Variants in PZP observed in about 807,000 individuals in gnomAD.
PZP encodes PZP alpha-2-macroglobulin like, also known as pregnancy zone protein.
A neutral mutation model predicts 179.8 loss-of-function variants in PZP; 150 were observed. The observed-to-expected ratio is 0.83, with a 90% CI of 0.73 to 0.96. PZP has a LOEUF of 0.96. PZP is among the 40% of genes least tolerant of loss of function. PZP has a pLI of 0.00. For synonymous variants in PZP, 624 were observed against 652.3 expected (o/e 0.96, Z 0.66); for missense variants, 1,689 against 1,764.0 (o/e 0.96, Z 0.76).
chr12:9,160,038 G>T lies in PZP; in HGVS notation c.3050-13C>A, dbSNP rs762762028. On this transcript the variant is annotated splice_polypyrimidine_tract_variant and intron_variant, in intron 24 of 35. Transcript: ENST00000261336. ...TGTCTCTGGTAACCTGAAATGGAAG[G>T]CTTCAGATTGTTCATGAAGCATTAA... The T allele has an allele frequency of 1.2e-6, 2 of 1,605,608 alleles. No individual in the cohort carries two copies. Among genetic ancestry groups the T allele is most frequent in the Non-Finnish European group, 8.5e-7 (1 of 1,172,518 alleles).
rs143563454 is a variant in PZP at position 9,203,786 on chromosome 12, G to T, written c.249C>A (p.Phe83Leu). The change falls in exon 2 of 36, where the codon TTC becomes TTA. Residue 83 changes from phenylalanine to leucine, a missense_variant. By Grantham distance (22) the Phe-to-Leu change is conservative. This residue lies in a region of PZP where 742 missense variants were observed against 730.5 expected (regional missense o/e 1.02). Coordinates refer to ENST00000261336, the MANE Select transcript of PZP (RefSeq NM_002864.3). ...CACTCACAGTGAAGGAGACACAGTG[G>T]AATAAGTCCTTCTCCGCCACCAGGT... ...FTDLVAEKDLFHCVSFTLPRI... is the reference protein window; with the variant it reads ...FTDLVAEKDLLHCVSFTLPRI... 5.5e-5 allele frequency: 88 copies of T among 1,614,084 alleles called. No homozygotes were observed. The African/African-American group carries it at 7.1e-4, about 13-fold the overall frequency.
At chr12:9,163,267 A>G (rs1941342042) in intron 21 of PZP, among the ~76,000 whole-genome samples, 1 of 146,898 alleles carries the variant, frequency 6.8e-6, no homozygotes. Flanking sequence ...CCTGGCTAAC[A>G]TGGTGAAACC....
At chr12:9,204,564 CTCAG>C (rs759758950) in intron 1 of PZP, among the ~76,000 whole-genome samples, 62 of 152,258 alleles carry the variant, frequency 4.1e-4, no homozygotes, top group Middle Eastern at 6.8e-3. Flanking sequence ...TCAGATACAG[CTCAG>C]TCAAAGTCAA....
intron 20 of PZP, 100 bp downstream of exon 20, chr12:9,164,033 T>C (rs1941406878): frequency 2.8e-6 from 4 of 1,432,718 alleles, no homozygotes; most frequent in Non-Finnish European, 3.8e-6. Context: ...CTTTATAGAA[T>C]TATATCTATG....
Position 9,162,635 on chromosome 12 carries a change from TC to T in PZP, c.2749del (p.Glu917SerfsTer9). On this transcript the variant is annotated frameshift_variant, in exon 22 of 36. Transcript: ENST00000261336. LOFTEE classifies it high-confidence loss of function. Reference protein sequence around the residue: ...KTLLVEAEGIEQEKTFSSMTC... With the variant: ...KTLLVEAEGIXQEKTFSSMTC... ...CATAGAACTGAAAGTCTTTTCTTGC[TC>T]AATACCTTCAGCCTTGGATGAAAGG... The T allele has an allele frequency of 6.3e-7, 1 of 1,593,694 alleles. No homozygotes were observed. Among genetic ancestry groups the T allele is most frequent in the Non-Finnish European group, 8.6e-7 (1 of 1,161,954 alleles).
At chr12:9,163,259 T>A (rs1033452761) in intron 21 of PZP, among the ~76,000 whole-genome samples, 3 of 146,286 alleles carry the variant, frequency 2.1e-5, no homozygotes, top group African/African-American at 5.1e-5. Flanking sequence ...GAGACCATCC[T>A]GGCTAACATG....
intron 34 of PZP, 111 bp from the exon 35 acceptor site, chr12:9,149,713 G>T (rs1304407622): frequency 3.2e-6 from 3 of 934,504 alleles, no homozygotes; most frequent in Non-Finnish European, 4.8e-6. Flanking sequence ...TATCAGAATT[G>T]TCAAAACTTC....
intron 21 of PZP, among the ~76,000 whole-genome samples, chr12:9,163,050 T>C (rs1313875108): frequency 6.6e-6 from 1 of 152,092 alleles, no homozygotes; most frequent in Non-Finnish European, 1.5e-5. Flanking sequence ...ATTGAATTAT[T>C]ACAAATCCAT....
In PZP at chr12:9,162,586, T is replaced by A; in HGVS notation, c.2788+11A>T. The A allele has an allele frequency of 6.4e-7, 1 of 1,562,036 alleles. No homozygotes were observed. The highest frequency in any genetic ancestry group is 8.8e-7 in the Non-Finnish European group (1 of 1,134,166). On this transcript the variant is annotated intron_variant, in intron 22 of 35. Transcript: ENST00000261336. Reference sequence around the variant, plus strand: ...TTTGATCTCACTATGATTATGAAGATGGACTCTTACCTGAGGCACAGGTCA... The same window carrying A: ...TTTGATCTCACTATGATTATGAAGAAGGACTCTTACCTGAGGCACAGGTCA...
rs776523623 is a variant in PZP at position 9,157,162 on chromosome 12, T to C, written c.3550+13A>G. The stretch of plus-strand genomic sequence containing the variant: ...GTTCTCATTGTTCAGCTCCCACTTA[T>C]AAGTGCTCTCACCTTCTTTCACAGC... On this transcript the variant is annotated intron_variant, in intron 28 of 35. Coordinates refer to ENST00000261336, the MANE Select transcript of PZP (RefSeq NM_002864.3). 23 of 1,609,428 alleles carry C rather than the reference T, an allele frequency of 1.4e-5. No homozygotes were observed. The South Asian group carries it at 2.4e-4, about 17-fold the overall frequency.
At chr12:9,142,329 CAA>C in the PZP span, among the ~76,000 whole-genome samples, 1 of 152,242 alleles carries the variant, frequency 6.6e-6, no homozygotes, top group African/African-American at 2.4e-5. Context: ...ATTACACAAG[CAA>C]AGATTATTCT....
chr12:9,150,509 T>A (rs1940273109), intron 34 of PZP, 135 bp downstream of exon 34: 2 of 610,560 alleles, frequency 3.3e-6, no homozygotes, highest in Non-Finnish European at 5.6e-6. Context: ...TAGTAAGTCG[T>A]TTTTATAGTG....
At chr12:9,169,247 TCACA>T (rs1941811364) in intron 16 of PZP, among the ~76,000 whole-genome samples, 179 bp downstream of exon 16, 1 of 152,178 alleles carries the variant, frequency 6.6e-6, no homozygotes, top group Non-Finnish European at 1.5e-5. Context: ...TAGCCCTGAC[TCACA>T]TACTGAGCTT....
chr12:9,165,719 A>G (rs942112525), intron 18 of PZP, among the ~76,000 whole-genome samples: 2 of 152,222 alleles, frequency 1.3e-5, no homozygotes, highest in Non-Finnish European at 2.9e-5. Context: ...CACTGGATTA[A>G]TGTAGCCTGA....
intron 29 of PZP, among the ~76,000 whole-genome samples, chr12:9,153,618 TA>T (rs1232190319): frequency 3.9e-5 from 6 of 152,240 alleles, no homozygotes; most frequent in East Asian, 1.9e-4. Context: ...AGAATAGGTC[TA>T]AAACTAAGAA....
chr12:9,161,926 T>C (rs182610140), intron 22 of PZP, among the ~76,000 whole-genome samples: 1 of 152,280 alleles, frequency 6.6e-6, no homozygotes, highest in East Asian at 1.9e-4. Flanking sequence ...TTCAAACTTA[T>C]CATGACCCTG....
At position 9,201,366 on chromosome 12, in the gene PZP, GAA is replaced by G; in HGVS notation, c.481-21_481-20del. 1 of 1,547,160 alleles carries G rather than the reference GAA, an allele frequency of 6.5e-7. No homozygotes were observed. The highest frequency in any genetic ancestry group is 8.9e-7 in the Non-Finnish European group (1 of 1,128,090). On this transcript the variant is annotated intron_variant, in intron 4 of 35. Coordinates refer to ENST00000261336, the MANE Select transcript of PZP (RefSeq NM_002864.3). ...GTGGAATCTATATGATAAAAGGAAA[GAA>G]GAGATGTGATTAGAATTCCAGCAAA...
Position 9,163,691 on chromosome 12 carries a change from CTG to C in PZP, c.2711_2712del (p.Thr904SerfsTer10). ...ACCTCCACCAACAGGGTTTTGATGA[CTG>C]TGTCTTTTCTTTTAATCTCAGGGAC... ...VEVPEIKRKD[T>X]VIKTLLVEAE... On this transcript the variant is annotated frameshift_variant, in exon 21 of 36. Transcript: ENST00000261336. LOFTEE classifies it high-confidence loss of function. 1 of 1,613,776 alleles carries C rather than the reference CTG, an allele frequency of 6.2e-7. No individual in the cohort carries two copies. The highest frequency in any genetic ancestry group is 8.5e-7 in the Non-Finnish European group (1 of 1,179,820).
rs1481056498 is a variant in PZP at position 9,201,318 on chromosome 12, G to C, written c.501+9C>G. The C allele has an allele frequency of 6.5e-7, 1 of 1,535,908 alleles. No homozygotes were observed. Among genetic ancestry groups the C allele is most frequent in the Non-Finnish European group, 9.0e-7 (1 of 1,113,082 alleles). On this transcript the variant is annotated intron_variant, in intron 5 of 35. Transcript: ENST00000261336. Reference sequence around the variant, plus strand: ...AATTTCCTTATAAGATACTTTTTCTGATACTTACCTCAAGGTATATCAGTG... The same window carrying C: ...AATTTCCTTATAAGATACTTTTTCTCATACTTACCTCAAGGTATATCAGTG...
Sources: gnomAD v4.1 joint callset for allele counts (sites outside exome capture counted in the v4.1 genomes callset) on GRCh38, gnomAD v4.1.1 for gene constraint, gnomAD v4.1.1 regional missense constraint, MANE v1.5 for transcripts, NCBI Gene and HGNC (gene_info 2026-07-23, HGNC 2026-07-21) for gene names.